The following MYO9B variants were observed in gnomAD, a reference collection of about 807,000 sequenced individuals.
The protein encoded by MYO9B is myosin IXB.
A neutral mutation model predicts 229.5 loss-of-function variants in MYO9B; 71 were observed. The observed-to-expected ratio is 0.31, with a 90% CI of 0.26 to 0.38. MYO9B has a LOEUF of 0.38. Ranked by LOEUF, MYO9B falls within the 10% of genes least tolerant of loss-of-function variation. The probability of loss-of-function intolerance (pLI) is 1.00; values close to 1 mark genes in which losing one functional copy is unlikely to be tolerated. For missense variants in MYO9B, 2,255 were observed against 2,920.5 expected (o/e 0.77, Z 5.25); for synonymous variants, 1,185 against 1,235.8 (o/e 0.96, Z 0.86).
At chr19:17,149,287 C>G (rs1011134745) in intron 3 of MYO9B, among the ~76,000 whole-genome samples, 1 of 152,120 alleles carries the variant, frequency 6.6e-6, no homozygotes, top group Non-Finnish European at 1.5e-5. Context: ...CTCCCTTTTT[C>G]CAGATAAAGT....
intron 2 of MYO9B, among the ~76,000 whole-genome samples, chr19:17,130,713 G>C (rs1245327866): frequency 6.6e-6 from 1 of 152,010 alleles, no homozygotes; most frequent in Non-Finnish European, 1.5e-5. Context: ...GAACCTGGGG[G>C]GCGGAGGTTG....
chr19:17,085,595 A>G (rs2057574604), intron 1 of MYO9B, among the ~76,000 whole-genome samples: 1 of 152,166 alleles, frequency 6.6e-6, no homozygotes, highest in South Asian at 2.1e-4. Flanking sequence ...AGGCTGAGGC[A>G]GGAGAATCAC....
At chr19:17,112,220 G>A (rs1340365473) in intron 2 of MYO9B, among the ~76,000 whole-genome samples, 1 of 152,232 alleles carries the variant, frequency 6.6e-6, no homozygotes, top group Non-Finnish European at 1.5e-5. Flanking sequence ...GGAAGGAGGA[G>A]AGCAGTCCTC....
rs767207246 is a variant in MYO9B, at chr19:17,210,316, G to A, written c.5749-17G>A. ...GTCTTGGCCCGTGTGGTCACCCTGT[G>A]TTCATCTCTCTCCCAGCCATGGCCT... is the stretch of plus-strand genomic sequence containing the variant. On this transcript the variant is annotated splice_polypyrimidine_tract_variant and intron_variant, in intron 36 of 39. Coordinates refer to ENST00000682292, the MANE Select transcript of MYO9B (RefSeq NM_004145.4). 1.3e-6 allele frequency: 2 copies of A among 1,589,074 alleles called. No homozygotes were observed. Among genetic ancestry groups the A allele is most frequent in the East Asian group, 2.3e-5 (1 of 44,158 alleles).
chr19:17,165,745 A>G (rs1364988458), intron 10 of MYO9B, among the ~76,000 whole-genome samples: 1 of 152,142 alleles, frequency 6.6e-6, no homozygotes, highest in Non-Finnish European at 1.5e-5. Flanking sequence ...GCTGCACTCC[A>G]ATGTAGGCAA....
intron 2 of MYO9B, among the ~76,000 whole-genome samples, chr19:17,126,209 T>TGCTCCCA (rs1309017591): frequency 6.6e-6 from 1 of 152,184 alleles, no homozygotes; most frequent in Non-Finnish European, 1.5e-5. Flanking sequence ...CCGCCCCCTC[T>TGCTCCCA]GCTCCCAGCT....
chr19:17,159,893 C>A (rs2072579288), intron 8 of MYO9B, among the ~76,000 whole-genome samples: 1 of 152,294 alleles, frequency 6.6e-6, no homozygotes, highest in African/African-American at 2.4e-5. Context: ...AACATCAGGC[C>A]CCAAAGCCAA....
At position 17,209,682 on chromosome 19, in the gene MYO9B, C is replaced by T; in HGVS notation, c.5721C>T (p.Arg1907=). 1 of 1,613,556 alleles carries T rather than the reference C, an allele frequency of 6.2e-7. No individual in the cohort carries two copies. The highest frequency in any genetic ancestry group is 8.5e-7 in the Non-Finnish European group (1 of 1,179,708). The change falls in exon 36 of 40, where the codon CGC becomes CGT. Residue 1907 remains arginine (R), a synonymous_variant. Coordinates refer to ENST00000682292, the MANE Select transcript of MYO9B (RefSeq NM_004145.4). ...AGGCTGCAGAGAGTATCGCCTTCCG[C>T]AGGCTTTCGCTCCTGCGACAAAATG... is the stretch of plus-strand genomic sequence containing the variant. ...QLEAAESIAF[R]RLSLLRQNAP...
Position 17,157,033 on chromosome 19 carries a change from C to A in MYO9B, c.1324C>A (p.Leu442Met). Residue 442 changes from leucine to methionine, a missense_variant, in exon 7 of 40, where the codon CTG becomes ATG. Physicochemically the swap from Leu to Met is conservative, Grantham distance 15. This residue lies in a region of MYO9B where 220 missense variants were observed against 404.5 expected (regional missense o/e 0.54). Coordinates refer to ENST00000682292, the MANE Select transcript of MYO9B (RefSeq NM_004145.4). ...PEVLDTLSQL[L>M]KVKREILVEV... Reference sequence around the variant, plus strand: ...GGTGCTGGACACCCTGTCGCAGCTTCTGAAGGTACTGATTGCCACCTCTGT... The same window carrying A: ...GGTGCTGGACACCCTGTCGCAGCTTATGAAGGTACTGATTGCCACCTCTGT... The A allele has an allele frequency of 6.2e-7, 1 of 1,613,224 alleles. No homozygotes were observed. The highest frequency in any genetic ancestry group is 1.1e-5 in the South Asian group (1 of 91,018).
intron 16 of MYO9B, among the ~76,000 whole-genome samples, chr19:17,184,225 C>T (rs546759217): frequency 2.0e-5 from 3 of 152,348 alleles, no homozygotes; most frequent in Admixed American, 6.5e-5. Context: ...CCACAGAGCT[C>T]ATCCTGCCCC....
At chr19:17,137,220 T>C (rs2072281677) in intron 2 of MYO9B, among the ~76,000 whole-genome samples, 1 of 132,780 alleles carries the variant, frequency 7.5e-6, no homozygotes, top group African/African-American at 3.1e-5. Context: ...AAGAGCAAAC[T>C]GTCTCAAAAA....
chr19:17,206,897 T>G (rs1444797554), intron 34 of MYO9B, 113 bp downstream of exon 34: 1 of 1,233,288 alleles, frequency 8.1e-7, no homozygotes, highest in Non-Finnish European at 1.2e-6. Flanking sequence ...CGAACCAGGA[T>G]GCAGACCACT....
chr19:17,162,694 GT>G (rs970011801), intron 9 of MYO9B, among the ~76,000 whole-genome samples: 6 of 151,924 alleles, frequency 3.9e-5, no homozygotes, highest in African/African-American at 1.5e-4. Context: ...ATTCTGGCAT[GT>G]ACCTGTGGTC....
chr19:17,079,922 A>G (rs558652459), intron 1 of MYO9B, among the ~76,000 whole-genome samples: 30 of 152,008 alleles, frequency 2.0e-4, no homozygotes, highest in Non-Finnish European at 3.8e-4. Flanking sequence ...CTGTCTCCAC[A>G]CCAGCCCACC....
chr19:17,210,976 A>ACTTTTT (rs1343695000), intron 38 of MYO9B, 128 bp downstream of exon 38: 4 of 565,684 alleles, frequency 7.1e-6, no homozygotes, highest in South Asian at 3.8e-5. Context: ...GGCAAACAAC[A>ACTTTTT]CTTTTTTTTT....
intron 13 of MYO9B, among the ~76,000 whole-genome samples, chr19:17,173,313 T>TTTC (rs547342934): frequency 7.9e-6 from 1 of 125,882 alleles, no homozygotes; most frequent in Non-Finnish European, 1.6e-5. Flanking sequence ...TTTTTTTTTT[T>TTTC]AGAGACAGGG....
At chr19:17,126,704 G>T (rs867672621) in intron 2 of MYO9B, among the ~76,000 whole-genome samples, 2 of 132,518 alleles carry the variant, frequency 1.5e-5, no homozygotes, top group African/African-American at 2.9e-5. Flanking sequence ...TCGCCCTGTT[G>T]CCCAGGCTGG....
intron 13 of MYO9B, among the ~76,000 whole-genome samples, chr19:17,173,802 G>GC (rs1400311157): frequency 6.6e-6 from 1 of 152,110 alleles, no homozygotes; most frequent in African/African-American, 2.4e-5. Context: ...GCAACCTGAG[G>GC]CCTGCATGGT....
intron 2 of MYO9B, among the ~76,000 whole-genome samples, chr19:17,136,456 G>C (rs956458310): frequency 1.3e-5 from 2 of 152,120 alleles, no homozygotes; most frequent in African/African-American, 4.8e-5. Context: ...CAGCACATAT[G>C]GGAACCTATG....
Sources: gnomAD v4.1 joint callset for allele counts (sites outside exome capture counted in the v4.1 genomes callset) on GRCh38, gnomAD v4.1.1 for gene constraint, gnomAD v4.1.1 regional missense constraint, MANE v1.5 for transcripts, NCBI Gene and HGNC (gene_info 2026-07-23, HGNC 2026-07-21) for gene names.